The following MRPS6 variants were observed in gnomAD, a reference collection of about 807,000 sequenced individuals.
The protein encoded by MRPS6 is small ribosomal subunit protein bS6m.
In MRPS6, 6 loss-of-function variants were observed where a neutral mutation model predicts 13.1. The ratio of observed to expected loss-of-function variants is 0.46; its 90% confidence interval spans 0.25 to 0.91. The LOEUF is 0.91. Ranked by LOEUF, MRPS6 falls within the 40% of genes least tolerant of loss-of-function variation. MRPS6 has a pLI of 0.18. For synonymous variants in MRPS6, 61 were observed against 56.5 expected (o/e 1.08, Z -0.36); for missense variants, 164 against 155.6 (o/e 1.05, Z -0.29).
At chr21:34,120,017 G>A (rs1980064586) in intron 1 of MRPS6, among the ~76,000 whole-genome samples, 1 of 152,122 alleles carries the variant, frequency 6.6e-6, no homozygotes, top group Non-Finnish European at 1.5e-5. Flanking sequence ...GCTTTACGGG[G>A]GACCCTTTTA....
At chr21:34,100,550 T>C (rs966071033) in intron 1 of MRPS6, 21 of 1,000,136 alleles carry the variant, frequency 2.1e-5, no homozygotes, top group African/African-American at 1.0e-4. Flanking sequence ...AAGGATCCAT[T>C]GTATTTTGGC....
At chr21:34,139,871 C>T (rs1458536378) in intron 2 of MRPS6, among the ~76,000 whole-genome samples, 1 of 152,128 alleles carries the variant, frequency 6.6e-6, no homozygotes, top group African/African-American at 2.4e-5. Flanking sequence ...AGCCCCAGCG[C>T]CTGACCTTGC....
At chr21:34,075,331 T>G (rs1989301714) in intron 1 of MRPS6, among the ~76,000 whole-genome samples, 1 of 152,230 alleles carries the variant, frequency 6.6e-6, no homozygotes, top group South Asian at 2.1e-4. Flanking sequence ...AGACTTGCCC[T>G]CCCCTTTGTT....
At chr21:34,082,361 G>T (rs977976352) in intron 1 of MRPS6, among the ~76,000 whole-genome samples, 10 of 152,140 alleles carry the variant, frequency 6.6e-5, no homozygotes, top group African/African-American at 2.2e-4. Context: ...CTTCAGAGCT[G>T]CACCGTGTAA....
intron 2 of MRPS6, among the ~76,000 whole-genome samples, chr21:34,141,989 T>C (rs140635727): frequency 6.6e-6 from 1 of 152,298 alleles, no homozygotes; most frequent in East Asian, 1.9e-4. Context: ...ACAGGGAAAA[T>C]CCTTTGAAAA....
intron 1 of MRPS6, among the ~76,000 whole-genome samples, chr21:34,086,954 C>T (rs1298595331): frequency 6.6e-6 from 1 of 152,172 alleles, no homozygotes; most frequent in African/African-American, 2.4e-5. Context: ...GCCAGACAGA[C>T]ACGCACAGGG....
rs559013455 is a variant in MRPS6 at position 34,102,550 on chromosome 21, A to C, written c.46-22791A>C. 85 of 999,990 alleles carry C rather than the reference A, an allele frequency of 8.5e-5. No homozygotes were observed. In the Middle Eastern group the frequency reaches 1.6e-3, roughly 18 times the overall value. The allele number at this position is 999,990 out of a possible 1,614,324, so 61.9% of individuals were successfully genotyped here. ...ATCTGTATCATTGCTAATCTTGTGC[A>C]CTTTACTTTTTGGGCAGTACCATAC... On this transcript the variant is annotated intron_variant, in intron 1 of 2. Coordinates refer to ENST00000399312, the MANE Select transcript of MRPS6 (RefSeq NM_032476.4).
chr21:34,073,642 GC>G lies in MRPS6; in HGVS notation c.-55del. The G allele has an allele frequency of 6.9e-7, 1 of 1,455,444 alleles. No individual in the cohort carries two copies. Among genetic ancestry groups the G allele is most frequent in the Non-Finnish European group, 9.3e-7 (1 of 1,073,358 alleles). The allele number at this position is 1,455,444 out of a possible 1,614,324, so 90.2% of individuals were successfully genotyped here. A position where few individuals can be genotyped will look rare whatever the true frequency, so the allele number is the denominator to read the frequency against. On this transcript the variant is annotated 5_prime_UTR_variant, in exon 1 of 3. Coordinates refer to ENST00000399312, the MANE Select transcript of MRPS6 (RefSeq NM_032476.4). ...AGGTCCCCACTGTCCCCGCCGTCCC[GC>G]CCCTTCGCGTCCCGGGAACCGGCTG...
intron 1 of MRPS6, chr21:34,100,593 G>C: frequency 1.0e-6 from 1 of 1,000,216 alleles, no homozygotes; most frequent in Non-Finnish European, 1.2e-6. Context: ...TGTAGCCATA[G>C]CTCTTAGGGA....
At chr21:34,098,735 T>C (rs1026268705) in intron 1 of MRPS6, 1 of 1,000,110 alleles carries the variant, frequency 1.0e-6, no homozygotes, top group African/African-American at 1.7e-5. Flanking sequence ...TTGACATGGC[T>C]TGGCACCCAC....
chr21:34,082,426 T>C (rs780770099), intron 1 of MRPS6, among the ~76,000 whole-genome samples: 6 of 152,202 alleles, frequency 3.9e-5, no homozygotes, highest in East Asian at 1.9e-4. Context: ...CTGAGTGATA[T>C]CTTGTTTTAG....
At chr21:34,129,299 G>A (rs62212131) in intron 2 of MRPS6, among the ~76,000 whole-genome samples, 8,839 of 152,192 alleles carry the variant, frequency 0.058, 298 homozygotes, top group Middle Eastern at 0.13. Context: ...GGGCTGAGCT[G>A]AGACTGAGAG....
intron 1 of MRPS6, among the ~76,000 whole-genome samples, chr21:34,106,809 A>G (rs766056380): frequency 6.6e-6 from 1 of 152,204 alleles, no homozygotes; most frequent in Non-Finnish European, 1.5e-5. Context: ...GGGTCCAGTA[A>G]TGTCTTTATA....
At chr21:34,123,578 CAAT>C (rs1213471483) in intron 1 of MRPS6, 3 of 151,390 alleles carry the variant, frequency 2.0e-5, no homozygotes, top group African/African-American at 7.3e-5. Flanking sequence ...AAATATGTAA[CAAT>C]AAGACACTAG....
At chr21:34,100,075 G>A in intron 1 of MRPS6, 5 of 997,484 alleles carry the variant, frequency 5.0e-6, no homozygotes, top group Non-Finnish European at 6.0e-6. Context: ...ACATTAACAT[G>A]TGTATATTTT....
intron 1 of MRPS6, among the ~76,000 whole-genome samples, chr21:34,119,500 G>T (rs547359617): frequency 6.6e-6 from 1 of 152,282 alleles, no homozygotes; most frequent in South Asian, 2.1e-4. Flanking sequence ...ATTTTCACAG[G>T]TTTTGACAGT....
chr21:34,099,250 C>T (rs927243925), intron 1 of MRPS6: 1 of 999,994 alleles, frequency 1.0e-6, no homozygotes, highest in Non-Finnish European at 1.2e-6. Context: ...AGATAGAGCT[C>T]ATCATTTTCT....
intron 1 of MRPS6, chr21:34,103,490 A>G (rs1297783326): frequency 1.6e-5 from 16 of 999,148 alleles, no homozygotes; most frequent in Non-Finnish European, 1.8e-5. Flanking sequence ...TTGTGTTTCC[A>G]TTGTAGGTTG....
chr21:34,115,007 A>T (rs1335029463), intron 1 of MRPS6, among the ~76,000 whole-genome samples: 1 of 152,068 alleles, frequency 6.6e-6, no homozygotes, highest in Non-Finnish European at 1.5e-5. Context: ...GTAGTTTATG[A>T]CTTAAAGGCA....
Sources: gnomAD v4.1 joint callset for allele counts (sites outside exome capture counted in the v4.1 genomes callset) on GRCh38, gnomAD v4.1.1 for gene constraint, MANE v1.5 for transcripts, NCBI Gene and HGNC (gene_info 2026-07-23, HGNC 2026-07-21) for gene names.